WASF2: variants seen among roughly 807,000 people sequenced by gnomAD.
WASF2 encodes the protein WASP family member 2.
In WASF2, 14 loss-of-function variants were observed where a neutral mutation model predicts 45.0. The ratio of observed to expected loss-of-function variants is 0.31; its 90% confidence interval spans 0.21 to 0.49. WASF2 has a LOEUF of 0.49. Ranked by LOEUF, WASF2 falls within the 20% of genes least tolerant of loss-of-function variation. The pLI, the probability that WASF2 is intolerant of heterozygous loss-of-function variation, is 0.99. For synonymous variants in WASF2, 200 were observed against 236.3 expected (o/e 0.85, Z 1.41); for missense variants, 439 against 636.1 (o/e 0.69, Z 3.33).
chr1:27,460,126 C>A (rs748844695), intron 1 of WASF2, among the ~76,000 whole-genome samples: 2 of 152,164 alleles, frequency 1.3e-5, no homozygotes, highest in Non-Finnish European at 2.9e-5. Flanking sequence ...AGTAATATTT[C>A]TCTGCCAGTC....
At position 27,406,260 on chromosome 1, in the gene WASF2, C is replaced by CA. The variant is rs1205380734; in HGVS notation, c.*1928dup. 1 of 152,522 alleles carries CA rather than the reference C, an allele frequency of 6.6e-6. No individual in the cohort carries two copies. Among genetic ancestry groups the CA allele is most frequent in the African/African-American group, 2.4e-5 (1 of 41,436 alleles). The allele number at this position is 152,522 out of a possible 1,614,324, so 9.4% of individuals were successfully genotyped here. A position where few individuals can be genotyped will look rare whatever the true frequency, so the allele number is the denominator to read the frequency against. On this transcript the variant is annotated 3_prime_UTR_variant, in exon 9 of 9. Coordinates refer to ENST00000618852, the MANE Select transcript of WASF2 (RefSeq NM_006990.5). Reference sequence around the variant, plus strand: ...TGGGGGCCCACATAGCCTGGTGTCTCAGCATGGAGCTTAGTGCCAAGTCCT... The same window carrying CA: ...TGGGGGCCCACATAGCCTGGTGTCTCAAGCATGGAGCTTAGTGCCAAGTCCT...
At chr1:27,419,371 T>C (rs957921844) in intron 2 of WASF2, among the ~76,000 whole-genome samples, 7 of 152,184 alleles carry the variant, frequency 4.6e-5, no homozygotes, top group African/African-American at 1.7e-4. Context: ...AAAGGTGTAA[T>C]GCAAAAAATT....
chr1:27,485,563 C>CAGATA (rs1256909347), intron 1 of WASF2, among the ~76,000 whole-genome samples: 1 of 152,112 alleles, frequency 6.6e-6, no homozygotes, highest in Non-Finnish European at 1.5e-5. Context: ...AAATGCTTAT[C>CAGATA]AGGCACATTT....
chr1:27,432,391 G>GT (rs1028450350), intron 1 of WASF2, among the ~76,000 whole-genome samples: 1 of 152,100 alleles, frequency 6.6e-6, no homozygotes, highest in Non-Finnish European at 1.5e-5. Context: ...GCTCACGCCT[G>GT]TAATTCCAGC....
intron 1 of WASF2, among the ~76,000 whole-genome samples, chr1:27,477,707 G>A (rs1389704573): frequency 1.5e-5 from 2 of 137,392 alleles, no homozygotes; most frequent in Non-Finnish European, 3.0e-5. Flanking sequence ...AGACCATCCC[G>A]GCTAAAACGG....
In WASF2 at chr1:27,409,974, G is replaced by A; in HGVS notation, c.1057C>T (p.Pro353Ser). The change falls in exon 8 of 9, where the codon CCA becomes TCA. Residue 353 changes from proline to serine, a missense_variant. Transcript: ENST00000618852. ...SPGTPPPPSP[P>S]SFPPHPDFAA... is the part of the protein sequence containing the mutation. ...AAATCAGGGTGAGGTGGGAAAGATGGGGGTGAGGGTGGTGGAGGCGTCCCT... is the reference window on the plus strand; with the variant it reads ...AAATCAGGGTGAGGTGGGAAAGATGAGGGTGAGGGTGGTGGAGGCGTCCCT... 5.0e-6 allele frequency: 8 copies of A among 1,613,274 alleles called. No homozygotes were observed. Among genetic ancestry groups the A allele is most frequent in the Non-Finnish European group, 6.8e-6 (8 of 1,179,666 alleles).
intron 7 of WASF2, among the ~76,000 whole-genome samples, chr1:27,412,154 A>ATTATCTAGACAGTCTTGTTTGAAG (rs1433377230): frequency 1.3e-5 from 2 of 152,184 alleles, no homozygotes; most frequent in Admixed American, 1.3e-4. Flanking sequence ...AATTATTTCT[A>ATTATCTAGACAGTCTTGTTTGAAG]TTATCTAGAC....
At chr1:27,456,064 TGTAATCCCA>T (rs1055331053) in intron 1 of WASF2, among the ~76,000 whole-genome samples, 29 of 152,270 alleles carry the variant, frequency 1.9e-4, no homozygotes, top group African/African-American at 6.3e-4. Flanking sequence ...GGCTCACACC[TGTAATCCCA>T]GCACTTTGGG....
At chr1:27,455,482 G>A (rs1011811981) in intron 1 of WASF2, among the ~76,000 whole-genome samples, 3 of 152,138 alleles carry the variant, frequency 2.0e-5, no homozygotes, top group African/African-American at 7.2e-5. Context: ...GAGAAGGGCC[G>A]AGACTGAGAA....
intron 1 of WASF2, among the ~76,000 whole-genome samples, chr1:27,485,773 G>A (rs888582307): frequency 2.6e-5 from 4 of 152,134 alleles, no homozygotes; most frequent in South Asian, 4.1e-4. Flanking sequence ...GTGCAGTGGC[G>A]TGATCTCAGC....
At chr1:27,475,512 T>C (rs1339631925) in intron 1 of WASF2, among the ~76,000 whole-genome samples, 1 of 152,196 alleles carries the variant, frequency 6.6e-6, no homozygotes, top group Non-Finnish European at 1.5e-5. Flanking sequence ...TATATCACCT[T>C]CTCAGAGAAG....
At chr1:27,467,972 C>T (rs1272838060) in intron 1 of WASF2, among the ~76,000 whole-genome samples, 13 of 151,288 alleles carry the variant, frequency 8.6e-5, no homozygotes, top group Admixed American at 2.6e-4. Context: ...CTCACTCTGT[C>T]GCCCAGTCTG....
intron 2 of WASF2, among the ~76,000 whole-genome samples, chr1:27,425,422 G>T (rs953877956): frequency 6.6e-6 from 1 of 152,236 alleles, no homozygotes; most frequent in Non-Finnish European, 1.5e-5. Context: ...TAAAATGAAG[G>T]CTGGGCGTGG....
chr1:27,420,925 T>C (rs1160942869), intron 2 of WASF2, among the ~76,000 whole-genome samples: 1 of 152,224 alleles, frequency 6.6e-6, no homozygotes, highest in East Asian at 1.9e-4. Context: ...CTCTAATTTT[T>C]AGCTTCAAAA....
chr1:27,445,302 T>A (rs1002709788), intron 1 of WASF2, among the ~76,000 whole-genome samples: 1 of 152,196 alleles, frequency 6.6e-6, no homozygotes, highest in Non-Finnish European at 1.5e-5. Flanking sequence ...CCCAGAGTGA[T>A]TCATAACTTT....
chr1:27,464,364 CAA>C (rs1230006060), intron 1 of WASF2, among the ~76,000 whole-genome samples: 1 of 151,250 alleles, frequency 6.6e-6, no homozygotes, highest in Non-Finnish European at 1.5e-5. Context: ...CTAGCCTGGG[CAA>C]AAGAGGAAAA....
At chr1:27,457,547 AGAAGAATG>A (rs200702529) in intron 1 of WASF2, among the ~76,000 whole-genome samples, 1,532 of 152,202 alleles carry the variant, frequency 0.01, 5 homozygotes, top group Non-Finnish European at 0.014. Context: ...CAAAACGGAT[AGAAGAATG>A]GAAGAATGGA....
chr1:27,426,770 A>C (rs1448284245), intron 2 of WASF2, among the ~76,000 whole-genome samples: 1 of 152,122 alleles, frequency 6.6e-6, no homozygotes, highest in Non-Finnish European at 1.5e-5. Flanking sequence ...TCAGCCTCCC[A>C]AAGTGCTGGG....
intron 1 of WASF2, among the ~76,000 whole-genome samples, chr1:27,439,340 G>C (rs1278164166): frequency 6.6e-6 from 1 of 152,178 alleles, no homozygotes; most frequent in African/African-American, 2.4e-5. Context: ...AGTGGTGGTG[G>C]TAGTAGTAGT....
Sources: allele counts gnomAD v4.1 joint callset (sites outside exome capture counted in the v4.1 genomes callset), GRCh38; gene constraint gnomAD v4.1.1; transcripts MANE v1.5; gene names NCBI Gene and HGNC (gene_info 2026-07-23, HGNC 2026-07-21).